Variants in TPTE2 observed in about 807,000 individuals in gnomAD.
The protein encoded by TPTE2 is transmembrane phosphoinositide 3-phosphatase and tensin homolog 2.
Under a neutral mutation model 78.6 loss-of-function variants are expected in TPTE2, and 53 were observed. The observed-to-expected ratio is 0.67, with a 90% confidence interval of 0.54 to 0.85. The LOEUF (loss-of-function observed/expected upper bound fraction) is 0.85. Among genes scored for constraint, TPTE2 ranks in the 40% least tolerant of loss-of-function variants. The pLI, the probability that TPTE2 is intolerant of heterozygous loss-of-function variation, is 0.00. For missense variants in TPTE2, 461 were observed against 623.0 expected, an observed-to-expected ratio of 0.74 and a Z score of 2.77; for synonymous variants, 175 against 206.2, an observed-to-expected ratio of 0.85 and a Z score of 1.30.
At position 19,535,356 on chromosome 13, in the gene TPTE2, C is replaced by T. The variant is rs1871148806; in HGVS notation, c.-44+1240G>A. On this transcript the variant is annotated intron_variant, in intron 1 of 17. Transcript: ENST00000390680. The surrounding 1 kb of genome is among the most constrained non-coding windows in gnomAD (Gnocchi z 5.1). Reference sequence around the variant, plus strand: ...CCAACTGTGGAGGTATCATCATCTTCCAAAGCTATCTACAAAAAGGGACAA... The same window carrying T: ...CCAACTGTGGAGGTATCATCATCTTTCAAAGCTATCTACAAAAAGGGACAA... Among the ~76,000 whole-genome samples, 1 of 151,914 alleles carries T rather than the reference C, an allele frequency of 6.6e-6. No homozygotes were observed. The highest frequency in any genetic ancestry group is 2.1e-4 in the South Asian group (1 of 4,822).
chr13:19,538,500 A>G (rs1050236052), upstream of TPTE2, among the ~76,000 whole-genome samples: 3 of 151,346 alleles, frequency 2.0e-5, no homozygotes, highest in Admixed American at 2.0e-4. Context: ...GATTACAGGT[A>G]TGAGCCACCA....
At chr13:19,462,816 A>T (rs1041034770) in intron 10 of TPTE2, among the ~76,000 whole-genome samples, 2 of 151,734 alleles carry the variant, frequency 1.3e-5, no homozygotes, top group African/African-American at 4.8e-5. Flanking sequence ...AAGTGCTGGG[A>T]TTACAGGTGT....
At chr13:19,501,519 T>C (rs2137669226) in intron 1 of TPTE2, among the ~76,000 whole-genome samples, 1 of 145,588 alleles carries the variant, frequency 6.9e-6, no homozygotes, top group South Asian at 2.3e-4. Context: ...CTATCTGATC[T>C]TTGACAAACC....
intron 4 of TPTE2, 28 bp from the exon 8 acceptor site, chr13:19,475,651 A>G: frequency 1.9e-6 from 3 of 1,603,970 alleles, no homozygotes; most frequent in Non-Finnish European, 2.6e-6. Context: ...AATAAAATTA[A>G]CCAGATTTCT....
intron 10 of TPTE2, among the ~76,000 whole-genome samples, chr13:19,461,705 C>A (rs1878908404): frequency 1.3e-5 from 2 of 152,096 alleles, no homozygotes; most frequent in Admixed American, 1.3e-4. Flanking sequence ...TATATATTTA[C>A]AATTATTATA....
At chr13:19,513,947 A>C (rs1869622403) in intron 1 of TPTE2, among the ~76,000 whole-genome samples, 1 of 152,180 alleles carries the variant, frequency 6.6e-6, no homozygotes, top group African/African-American at 2.4e-5. Flanking sequence ...AAATAGGATC[A>C]AGTGACTAAA....
At chr13:19,466,974 C>G (rs1393588150) in intron 7 of TPTE2, among the ~76,000 whole-genome samples, 3 of 152,094 alleles carry the variant, frequency 2.0e-5, no homozygotes, top group African/African-American at 7.2e-5. Context: ...GAGTAAAAGT[C>G]CTTCTTTGGG....
chr13:19,431,390 C>T (rs1876590875), intron 16 of TPTE2, among the ~76,000 whole-genome samples: 1 of 151,864 alleles, frequency 6.6e-6, no homozygotes, highest in African/African-American at 2.4e-5. Context: ...TTTTTCAATT[C>T]AAATGACCCA....
intron 1 of TPTE2, among the ~76,000 whole-genome samples, chr13:19,517,278 G>C (rs1869854046): frequency 6.6e-6 from 1 of 152,198 alleles, no homozygotes; most frequent in African/African-American, 2.4e-5. Flanking sequence ...CTCACTTGTT[G>C]CCTTTCAAGA....
chr13:19,560,875 G>A, the TPTE2 span: 1 of 1,567,414 alleles, frequency 6.4e-7, no homozygotes, highest in Non-Finnish European at 8.7e-7. Flanking sequence ...GACAGGCCTT[G>A]CGTCTCCGCT....
At chr13:19,544,938 A>G in the TPTE2 span, among the ~76,000 whole-genome samples, 1 of 5,842 alleles carries the variant, frequency 1.7e-4, no homozygotes, top group African/African-American at 2.9e-4. Context: ...GCACACTCAC[A>G]CACACACACA....
chr13:19,461,128 G>A (rs1369457705), intron 10 of TPTE2, among the ~76,000 whole-genome samples: 1 of 152,032 alleles, frequency 6.6e-6, no homozygotes. Flanking sequence ...AAGAGGATTT[G>A]CATTGTTTTG....
chr13:19,532,350 G>A (rs1037689081), intron 1 of TPTE2, among the ~76,000 whole-genome samples: 10 of 152,086 alleles, frequency 6.6e-5, no homozygotes, highest in African/African-American at 2.4e-4. Flanking sequence ...ATGGGATTAG[G>A]TGCCCTTATA....
At chr13:19,460,260 T>C (rs1264330267) in intron 10 of TPTE2, among the ~76,000 whole-genome samples, 3 of 152,228 alleles carry the variant, frequency 2.0e-5, no homozygotes, top group African/African-American at 4.8e-5. Flanking sequence ...CATGGTTTCC[T>C]GGGCAGGACT....
rs1410340390 is a variant in TPTE2 at position 19,438,379 on chromosome 13, C to T, written c.974-226G>A. The T allele has an allele frequency of 6.1e-6, 6 of 985,260 alleles. No individual in the cohort carries two copies. The African/African-American group carries it at 8.7e-5, about 14-fold the overall frequency. 61.0% of individuals were successfully genotyped at this position (985,260 alleles called of 1,614,324 possible). On this transcript the variant is annotated intron_variant, in intron 13 of 19. Coordinates refer to ENST00000400230, the Ensembl canonical transcript of TPTE2. ...TTACAGTAAAAATATCTCTCACCAT[C>T]TCTCCACAAAAGGACACGATGAGGT...
At chr13:19,452,951 TTTTTATTTTA>T (rs71198905) in intron 10 of TPTE2, among the ~76,000 whole-genome samples, 33 of 145,868 alleles carry the variant, frequency 2.3e-4, no homozygotes, top group African/African-American at 7.2e-4. Context: ...CCTTCATATT[TTTTTATTTTA>T]TTTTATTTTA....
chr13:19,435,073 C>A (rs1272865137), intron 15 of TPTE2, among the ~76,000 whole-genome samples: 1 of 152,052 alleles, frequency 6.6e-6, no homozygotes, highest in Non-Finnish European at 1.5e-5. Context: ...CTGGTTTCTG[C>A]AATAAACAAA....
the TPTE2 span, among the ~76,000 whole-genome samples, chr13:19,549,194 C>CA: frequency 6.7e-6 from 1 of 149,716 alleles, no homozygotes; most frequent in Non-Finnish European, 1.5e-5. Flanking sequence ...AGCTTCTGCA[C>CA]AAAAAAAGAA....
At chr13:19,447,273 C>T (rs1877904208) in intron 13 of TPTE2, among the ~76,000 whole-genome samples, 2 of 151,816 alleles carry the variant, frequency 1.3e-5, no homozygotes, top group South Asian at 2.1e-4. Flanking sequence ...AATGTAAACC[C>T]CCTCTCAGCA....
Sources: allele counts gnomAD v4.1 joint callset (sites outside exome capture counted in the v4.1 genomes callset), GRCh38; gene constraint gnomAD v4.1.1; non-coding constraint Gnocchi (gnomAD v3.1); transcripts MANE v1.5; gene names NCBI Gene and HGNC (gene_info 2026-07-23, HGNC 2026-07-21).